The following ERAP1 variants were observed in gnomAD, a reference collection of about 807,000 sequenced individuals.
ERAP1 encodes the protein adipocyte-derived leucine aminopeptidase.
ERAP1 carries 86 observed loss-of-function variants against 103.7 expected under a neutral mutation model. The observed-to-expected ratio is 0.83, with a 90% CI of 0.70 to 0.99. The LOEUF is 0.99. Ranked by LOEUF, ERAP1 falls within the 50% of genes least tolerant of loss-of-function variation. ERAP1 has a pLI of 0.00. For missense variants in ERAP1, 1,009 were observed against 1,128.4 expected (o/e 0.89, Z 1.52); for synonymous variants, 398 against 402.4 (o/e 0.99, Z 0.13).
the ERAP1 span, among the ~76,000 whole-genome samples, chr5:96,861,960 G>A: frequency 6.6e-6 from 1 of 152,044 alleles, no homozygotes; most frequent in Non-Finnish European, 1.5e-5. Flanking sequence ...TATGACTTGT[G>A]AACCAAGGTA....
chr5:96,891,572 TACAC>T, the ERAP1 span, among the ~76,000 whole-genome samples: 121 of 133,246 alleles, frequency 9.1e-4, no homozygotes, highest in East Asian at 7.7e-3. Context: ...ACATATATGG[TACAC>T]ACACACACAC....
the ERAP1 span, among the ~76,000 whole-genome samples, chr5:96,887,695 C>G: frequency 2.0e-5 from 3 of 152,092 alleles, no homozygotes; most frequent in Non-Finnish European, 4.4e-5. Context: ...ACAACAATAC[C>G]TAATGATTAT....
At chr5:96,815,407 G>T in the ERAP1 span, among the ~76,000 whole-genome samples, 75 of 105,482 alleles carry the variant, frequency 7.1e-4, no homozygotes, top group East Asian at 1.4e-3. Flanking sequence ...TGTTTGTTTT[G>T]TTTTTTATTT....
the ERAP1 span, among the ~76,000 whole-genome samples, chr5:96,856,607 T>C: frequency 6.6e-6 from 1 of 151,992 alleles, no homozygotes; most frequent in Non-Finnish European, 1.5e-5. Flanking sequence ...ATTACTTATA[T>C]CAATTCTCCT....
At chr5:96,851,387 A>G in the ERAP1 span, among the ~76,000 whole-genome samples, 7,203 of 152,252 alleles carry the variant, frequency 0.047, 214 homozygotes, top group South Asian at 0.11. Context: ...CAATTTACAC[A>G]TTAATTAGAT....
At position 96,783,978 on chromosome 5, in the gene ERAP1, A is replaced by G. The variant is rs1166474174; in HGVS notation, c.2046T>C (p.Pro682=). The G allele has an allele frequency of 2.5e-6, 4 of 1,613,976 alleles. No homozygotes were observed. Among genetic ancestry groups the G allele is most frequent in the Non-Finnish European group, 3.4e-6 (4 of 1,179,930 alleles). ...CTCTTTTCTCCATTAACTTATACATAGGAATCAGCTCATTCAAACCTTGAA... is the reference window on the plus strand; with the variant it reads ...CTCTTTTCTCCATTAACTTATACATGGGAATCAGCTCATTCAAACCTTGAA... ...PVFQGLNELI[P]MYKLMEKRDM... is the part of the protein sequence containing the mutation. The change falls in exon 14 of 19, where the codon CCT becomes CCC. Residue 682 remains proline (P), a synonymous_variant. Transcript: ENST00000443439.
chr5:96,922,820 T>C, the ERAP1 span, among the ~76,000 whole-genome samples: 4 of 152,256 alleles, frequency 2.6e-5, no homozygotes, highest in Non-Finnish European at 5.9e-5. Flanking sequence ...AGTTGTGCGT[T>C]ATCTGTAGAT....
chr5:96,775,886 G>T lies in ERAP1; in HGVS notation c.*510C>A. The T allele has an allele frequency of 1.2e-6, 1 of 866,498 alleles. No homozygotes were observed. Among genetic ancestry groups the T allele is most frequent in the Non-Finnish European group, 1.4e-6 (1 of 717,786 alleles). 53.7% of individuals were successfully genotyped at this position (866,498 alleles called of 1,614,324 possible). A position where few individuals can be genotyped will look rare whatever the true frequency, so the allele number is the denominator to read the frequency against. On this transcript the variant is annotated 3_prime_UTR_variant, in exon 19 of 19. Coordinates refer to ENST00000443439, the MANE Select transcript of ERAP1 (RefSeq NM_001040458.3). The stretch of plus-strand genomic sequence containing the variant: ...AAGGGCAAGAAAGCTTGATGACTTG[G>T]CCTTTACAAGTCAGCCCCTGGGCAT...
At chr5:96,811,020 A>C (rs1298415604), upstream of ERAP1, among the ~76,000 whole-genome samples, 2 of 152,154 alleles carry the variant, frequency 1.3e-5, no homozygotes, top group African/African-American at 2.4e-5. Flanking sequence ...GCCCACTGCT[A>C]TCCGGCCCTT....
the ERAP1 span, among the ~76,000 whole-genome samples, chr5:96,818,076 G>A: frequency 1.3e-5 from 2 of 152,184 alleles, no homozygotes; most frequent in African/African-American, 2.4e-5. Context: ...AATATTGATT[G>A]TAATTAAGAA....
At chr5:96,877,451 A>G in the ERAP1 span, among the ~76,000 whole-genome samples, 1 of 152,220 alleles carries the variant, frequency 6.6e-6, no homozygotes, top group African/African-American at 2.4e-5. Flanking sequence ...TGGCCATTGA[A>G]TGCAAGTTAT....
At chr5:96,764,441 A>G (rs766922130) in intron 19 of ERAP1, among the ~76,000 whole-genome samples, 1 of 152,196 alleles carries the variant, frequency 6.6e-6, no homozygotes, top group Non-Finnish European at 1.5e-5. Flanking sequence ...TTTTTCCTCT[A>G]GAATACCAGC....
At chr5:96,770,100 T>C (rs1180604572), downstream of ERAP1, 7 of 164,100 alleles carry the variant, frequency 4.3e-5, no homozygotes, top group African/African-American at 1.2e-4. Context: ...GATTACTGGG[T>C]CATACAGTAG....
chr5:96,808,723 T>C (rs1778965162), upstream of ERAP1, among the ~76,000 whole-genome samples: 1 of 152,176 alleles, frequency 6.6e-6, no homozygotes, highest in African/African-American at 2.4e-5. Flanking sequence ...CAATTAAAGC[T>C]GAATAAAATG....
chr5:96,786,082 T>C, intron 12 of ERAP1, 111 bp from the exon 13 acceptor site: 2 of 996,564 alleles, frequency 2.0e-6, no homozygotes, highest in Non-Finnish European at 3.1e-6. Flanking sequence ...CTGAAAAATT[T>C]GAAAACATCA....
chr5:96,813,773 T>G, the ERAP1 span, among the ~76,000 whole-genome samples: 2 of 151,766 alleles, frequency 1.3e-5, no homozygotes, highest in Admixed American at 6.6e-5. Flanking sequence ...CTGTTATATC[T>G]AGCTAAAAGA....
chr5:96,769,208 G>T (rs1236029083), intron 19 of ERAP1: 1 of 152,154 alleles, frequency 6.6e-6, no homozygotes, highest in East Asian at 1.9e-4. Flanking sequence ...TGAATTGTCA[G>T]CCCTTCCATA....
At chr5:96,863,205 C>T in the ERAP1 span, among the ~76,000 whole-genome samples, 1 of 152,016 alleles carries the variant, frequency 6.6e-6, no homozygotes, top group African/African-American at 2.4e-5. Context: ...ATTCTAAGTA[C>T]CCAAGGCTTG....
At chr5:96,770,861 C>T (rs1489368140), downstream of ERAP1, among the ~76,000 whole-genome samples, 1 of 152,052 alleles carries the variant, frequency 6.6e-6, no homozygotes, top group Non-Finnish European at 1.5e-5. Flanking sequence ...CTTTCTTGCC[C>T]TAATTAAAAT....
Sources: gnomAD v4.1 joint callset for allele counts (sites outside exome capture counted in the v4.1 genomes callset) on GRCh38, gnomAD v4.1.1 for gene constraint, MANE v1.5 for transcripts, NCBI Gene and HGNC (gene_info 2026-07-23, HGNC 2026-07-21) for gene names.